RBFOX2: variants seen among roughly 807,000 people sequenced by gnomAD.
RBFOX2 encodes RNA binding protein fox-1 homolog 2.
A neutral mutation model predicts 49.1 loss-of-function variants in RBFOX2; 10 were observed. That is an observed-to-expected ratio of 0.20 (90% confidence interval 0.13 to 0.35). The LOEUF (loss-of-function observed/expected upper bound fraction) is 0.35, where lower values mean the gene tolerates loss of function less well. Ranked by LOEUF, RBFOX2 falls within the 10% of genes least tolerant of loss-of-function variation. The pLI is 1.00. For missense variants in RBFOX2, 323 were observed against 486.9 expected (o/e 0.66, Z 3.17); for synonymous variants, 183 against 187.4 (o/e 0.98, Z 0.19).
At chr22:35,860,031 A>C (rs2042938501) in intron 1 of RBFOX2, among the ~76,000 whole-genome samples, 1 of 152,206 alleles carries the variant, frequency 6.6e-6, no homozygotes, top group Non-Finnish European at 1.5e-5. Flanking sequence ...TTCTCTCCAT[A>C]ATAACTTTTA....
chr22:35,864,771 G>A (rs1253826329), intron 1 of RBFOX2, among the ~76,000 whole-genome samples: 1 of 152,172 alleles, frequency 6.6e-6, no homozygotes, highest in Admixed American at 6.5e-5. Flanking sequence ...TCAGGGCAAA[G>A]GTCAAAAGCT....
intron 1 of RBFOX2, among the ~76,000 whole-genome samples, chr22:35,985,396 G>A (rs542761112): frequency 6.6e-6 from 1 of 152,104 alleles, no homozygotes; most frequent in African/African-American, 2.4e-5. Context: ...GGTAAAGAGT[G>A]AAGTGCACAG....
chr22:35,813,709 C>T (rs563805901), intron 1 of RBFOX2, among the ~76,000 whole-genome samples: 1 of 151,970 alleles, frequency 6.6e-6, no homozygotes, highest in Admixed American at 6.5e-5. Flanking sequence ...CAGTCCTGTA[C>T]AATGTAGAAT....
chr22:35,813,393 T>C (rs989221640), intron 1 of RBFOX2, among the ~76,000 whole-genome samples: 18 of 152,218 alleles, frequency 1.2e-4, no homozygotes, highest in Admixed American at 2.0e-4. Flanking sequence ...TCTATACTTA[T>C]ATAAAAATGT....
At chr22:36,015,758 G>A (rs1315912194) in intron 1 of RBFOX2, among the ~76,000 whole-genome samples, 1 of 151,840 alleles carries the variant, frequency 6.6e-6, no homozygotes, top group Admixed American at 6.6e-5. Context: ...AAATTTAATC[G>A]GGGCAGGGGG....
chr22:35,781,681 C>T (rs767101399), exon 3 of RBFOX2: 1 of 1,614,092 alleles, frequency 6.2e-7, no homozygotes, highest in Non-Finnish European at 8.5e-7. Flanking sequence ...TAGATTTACT[C>T]TCTGAATTTT....
At chr22:35,854,580 C>A (rs1440563892) in intron 1 of RBFOX2, among the ~76,000 whole-genome samples, 1 of 150,120 alleles carries the variant, frequency 6.7e-6, no homozygotes, top group African/African-American at 2.5e-5. Context: ...GGCAACACAG[C>A]AAGACCCTGT....
chr22:35,834,270 C>G (rs1442956705), intron 1 of RBFOX2, among the ~76,000 whole-genome samples: 2 of 152,182 alleles, frequency 1.3e-5, no homozygotes, highest in African/African-American at 2.4e-5. Context: ...GGAGATAACA[C>G]AGAGCTGCTG....
At chr22:35,801,153 G>A (rs1013659624) in intron 2 of RBFOX2, among the ~76,000 whole-genome samples, 18 of 152,034 alleles carry the variant, frequency 1.2e-4, no homozygotes, top group Admixed American at 1.1e-3. Context: ...ATAAAATATT[G>A]TTTGTGAAAG....
At chr22:35,782,256 AC>A (rs1160884383) in intron 2 of RBFOX2, among the ~76,000 whole-genome samples, 1 of 152,208 alleles carries the variant, frequency 6.6e-6, no homozygotes, top group Non-Finnish European at 1.5e-5. Context: ...TAGAGTTACT[AC>A]TACTATGTTG....
At chr22:35,790,770 C>T (rs754337433) in intron 2 of RBFOX2, among the ~76,000 whole-genome samples, 3 of 152,150 alleles carry the variant, frequency 2.0e-5, no homozygotes, top group Non-Finnish European at 4.4e-5. Flanking sequence ...CCCAGGCTGG[C>T]TTTAATTCCA....
At chr22:35,805,123 T>TAA (rs1183703595) in intron 2 of RBFOX2, among the ~76,000 whole-genome samples, 2 of 150,696 alleles carry the variant, frequency 1.3e-5, no homozygotes, top group Admixed American at 6.6e-5. Context: ...CCGTCTCTAC[T>TAA]AAAAAAAACA....
chr22:35,774,180 G>T (rs2146874962), intron 4 of RBFOX2, among the ~76,000 whole-genome samples: 1 of 152,144 alleles, frequency 6.6e-6, no homozygotes, highest in Non-Finnish European at 1.5e-5. Context: ...GGGACATTCT[G>T]AGAGAGAAAG....
At chr22:35,845,725 G>T (rs1355351636) in intron 1 of RBFOX2, among the ~76,000 whole-genome samples, 1 of 152,166 alleles carries the variant, frequency 6.6e-6, no homozygotes, top group Admixed American at 6.5e-5. Flanking sequence ...ATATGAAAAT[G>T]GATGGGATGT....
chr22:35,849,782 G>A (rs1169283870), intron 1 of RBFOX2, among the ~76,000 whole-genome samples: 1 of 152,190 alleles, frequency 6.6e-6, no homozygotes, highest in African/African-American at 2.4e-5. Context: ...GATGAAGTCG[G>A]AGCTTGGTTG....
chr22:35,914,829 T>C lies in RBFOX2; in HGVS notation c.-34+24018A>G, dbSNP rs113675905. Among the ~76,000 whole-genome samples, 376 of 152,322 alleles carry C rather than the reference T, an allele frequency of 2.5e-3. 1 individual carries two copies. Among genetic ancestry groups the C allele is most frequent in the African/African-American group, 8.8e-3 (364 of 41,562 alleles). On this transcript the variant is annotated intron_variant, in intron 1 of 13. Coordinates refer to the RBFOX2 transcript ENST00000359369. ...CAGGTTTTCAACTAAATCTGTGAAA[T>C]ATTTCTGAACACTTGACCACCAAAC...
chr22:35,805,048 G>A (rs1391761585), intron 2 of RBFOX2, among the ~76,000 whole-genome samples: 1 of 152,072 alleles, frequency 6.6e-6, no homozygotes, highest in Admixed American at 6.5e-5. Context: ...AGCACTTTGG[G>A]AGGCCGAGGC....
chr22:35,840,296 C>T (rs533255033), exon 1 of RBFOX2: 114 of 1,612,882 alleles, frequency 7.1e-5, no homozygotes, highest in Non-Finnish European at 9.2e-5. Context: ...TTCCACCCCC[C>T]TCCCCCCCCA....
intron 3 of RBFOX2, among the ~76,000 whole-genome samples, chr22:35,780,256 G>C (rs1013883586): frequency 6.6e-6 from 1 of 151,816 alleles, no homozygotes; most frequent in Admixed American, 6.6e-5. Flanking sequence ...TTTTGCCCCA[G>C]TGTCTTGTCA....
Sources: allele counts gnomAD v4.1 joint callset (sites outside exome capture counted in the v4.1 genomes callset), GRCh38; gene constraint gnomAD v4.1.1; transcripts MANE v1.5; gene names NCBI Gene and HGNC (gene_info 2026-07-23, HGNC 2026-07-21).